NPTN: variants seen among roughly 807,000 people sequenced by gnomAD.
The protein encoded by NPTN is neuroplastin, also known as SDR-1.
A neutral mutation model predicts 42.7 loss-of-function variants in NPTN; 5 were observed. The ratio of observed to expected loss-of-function variants is 0.12; its 90% CI spans 0.06 to 0.25. The LOEUF is 0.25. NPTN is among the 10% of genes least tolerant of loss of function. NPTN has a pLI of 1.00. For missense variants in NPTN, 307 were observed against 525.4 expected, an observed-to-expected ratio of 0.58 and a Z score of 4.06; for synonymous variants, 180 against 201.9, an observed-to-expected ratio of 0.89 and a Z score of 0.92.
At chr15:73,582,715 C>CA (rs1896113144) in intron 4 of NPTN, among the ~76,000 whole-genome samples, 1 of 152,178 alleles carries the variant, frequency 6.6e-6, no homozygotes, top group Non-Finnish European at 1.5e-5. Flanking sequence ...AGATACCCCC[C>CA]ACAAGACAGG....
At chr15:73,568,561 G>A (rs1025974828) in intron 6 of NPTN, 56 of 985,288 alleles carry the variant, frequency 5.7e-5, no homozygotes, top group Non-Finnish European at 6.4e-5. Flanking sequence ...CTTGCCTTGG[G>A]AGTCCTAATA....
intron 1 of NPTN, among the ~76,000 whole-genome samples, chr15:73,604,999 G>A (rs1361687709): frequency 6.6e-6 from 1 of 151,662 alleles, no homozygotes; most frequent in Non-Finnish European, 1.5e-5. Context: ...TTGGAAGGCT[G>A]AGGTAAGAGG....
At chr15:73,623,530 T>A (rs1344009709) in intron 1 of NPTN, among the ~76,000 whole-genome samples, 1 of 151,926 alleles carries the variant, frequency 6.6e-6, no homozygotes, top group Non-Finnish European at 1.5e-5. Context: ...CCACAAAAAA[T>A]TCAAAAATTA....
At chr15:73,616,016 T>C (rs1897847815) in intron 1 of NPTN, among the ~76,000 whole-genome samples, 1 of 152,176 alleles carries the variant, frequency 6.6e-6, no homozygotes, top group Non-Finnish European at 1.5e-5. Flanking sequence ...AGCCTTGTAA[T>C]AAAAATTATT....
chr15:73,618,045 A>G (rs1236182752), intron 1 of NPTN, among the ~76,000 whole-genome samples: 2 of 152,240 alleles, frequency 1.3e-5, no homozygotes, highest in Non-Finnish European at 2.9e-5. Flanking sequence ...TTCGTTTCAC[A>G]ACGTTTCACG....
At chr15:73,607,930 T>C (rs1388960907) in intron 1 of NPTN, among the ~76,000 whole-genome samples, 2 of 152,142 alleles carry the variant, frequency 1.3e-5, no homozygotes, top group Non-Finnish European at 2.9e-5. Flanking sequence ...AATCTGAAAC[T>C]GTGCAAATAT....
At chr15:73,622,113 T>C (rs1383357847) in intron 1 of NPTN, among the ~76,000 whole-genome samples, 1 of 152,090 alleles carries the variant, frequency 6.6e-6, no homozygotes, top group Non-Finnish European at 1.5e-5. Flanking sequence ...ATCGCGCCAC[T>C]ACACTCCAGC....
chr15:73,625,399 G>A (rs573732887), intron 1 of NPTN, among the ~76,000 whole-genome samples: 1 of 151,786 alleles, frequency 6.6e-6, no homozygotes, highest in African/African-American at 2.4e-5. Context: ...CACCCAGGCT[G>A]GAGTGCAGTG....
chr15:73,612,169 C>G (rs978733254), intron 1 of NPTN, among the ~76,000 whole-genome samples: 4 of 151,886 alleles, frequency 2.6e-5, no homozygotes, highest in Non-Finnish European at 5.9e-5. Context: ...GCTTGTAATC[C>G]CAACACGGGA....
At position 73,568,174 on chromosome 15, in the gene NPTN, C is replaced by G. The variant is rs555565202; in HGVS notation, c.1114+1976G>C. 1.2e-5 allele frequency: 12 copies of G among 985,418 alleles called. No individual in the cohort carries two copies. In the African/African-American group the frequency reaches 1.7e-4, roughly 14 times the overall value. 61.0% of individuals were successfully genotyped at this position (985,418 alleles called of 1,614,324 possible). A position where few individuals can be genotyped will look rare whatever the true frequency, so the allele number is the denominator to read the frequency against. ...TCCAACAGAACAATCCTAACCATTT[C>G]TCAAATCTAACCTACCACATGCACT... On this transcript the variant is annotated intron_variant, in intron 6 of 8. Coordinates refer to ENST00000345330, the MANE Select transcript of NPTN (RefSeq NM_012428.4).
chr15:73,568,435 A>C (rs990026919), intron 6 of NPTN: 2 of 985,266 alleles, frequency 2.0e-6, no homozygotes, highest in Non-Finnish European at 2.4e-6. Context: ...TTCTGGGGGG[A>C]TAAAAAGGCC....
chr15:73,581,605 C>A lies in NPTN; in HGVS notation c.706+5919G>T, dbSNP rs117341637. Among the ~76,000 whole-genome samples the A allele has an allele frequency of 2.0e-3, 310 of 152,272 alleles. 8 individuals are homozygous for A. In the East Asian group the frequency reaches 0.057, roughly 28 times the overall value. ...ACCTGAACCAATTTCATTATCTGGG[C>A]AGTCTGGGACTCTGGCTGAGGACGA... On this transcript the variant is annotated intron_variant, in intron 4 of 8. Coordinates refer to ENST00000345330, the MANE Select transcript of NPTN (RefSeq NM_012428.4).
chr15:73,617,073 C>T (rs1205753154), intron 1 of NPTN, among the ~76,000 whole-genome samples: 1 of 152,096 alleles, frequency 6.6e-6, no homozygotes, highest in Non-Finnish European at 1.5e-5. Context: ...CATACGTTTA[C>T]ATAAATGAAA....
Position 73,584,765 on chromosome 15 carries a change from A to T in NPTN, c.706+2759T>A, listed in dbSNP as rs1039594254. Among the ~76,000 whole-genome samples the T allele has an allele frequency of 1.8e-4, 19 of 107,090 alleles. No individual in the cohort carries two copies. The East Asian group carries it at 4.3e-3, about 24-fold the overall frequency. The allele number at this position is 107,090 out of a possible 152,430, so 70.3% of individuals were successfully genotyped here. ...TATACTATGCCACATTGTGTCCTTT[A>T]AAAAAAAAAAAAAAAAAAAGGGAGA... On this transcript the variant is annotated intron_variant, in intron 4 of 8. Coordinates refer to ENST00000345330, the MANE Select transcript of NPTN (RefSeq NM_012428.4).
intron 4 of NPTN, among the ~76,000 whole-genome samples, chr15:73,574,538 G>A (rs948321985): frequency 7.9e-5 from 12 of 152,108 alleles, no homozygotes; most frequent in Non-Finnish European, 1.6e-4. Context: ...CTCAGCTCCC[G>A]AGTAACTAGA....
chr15:73,598,268 T>C (rs1896918571), intron 1 of NPTN, among the ~76,000 whole-genome samples: 1 of 152,070 alleles, frequency 6.6e-6, no homozygotes, highest in Non-Finnish European at 1.5e-5. Flanking sequence ...CTCCATACAG[T>C]TGAATTGCCT....
Position 73,633,335 on chromosome 15 carries a change from C to T in NPTN, c.-120G>A. 1 of 710,486 alleles carries T rather than the reference C, an allele frequency of 1.4e-6. No homozygotes were observed. Among genetic ancestry groups the T allele is most frequent in the Non-Finnish European group, 2.1e-6 (1 of 470,648 alleles). The allele number at this position is 710,486 out of a possible 1,614,324, so 44.0% of individuals were successfully genotyped here. ...AGGGAGTGAGCGAGGGAGGCAGCCGCGGCTCGGCTCCGTCCTTCCCCGTCC... is the reference window on the plus strand; with the variant it reads ...AGGGAGTGAGCGAGGGAGGCAGCCGTGGCTCGGCTCCGTCCTTCCCCGTCC... On this transcript the variant is annotated 5_prime_UTR_variant, in exon 1 of 9. Transcript: ENST00000345330.
intron 1 of NPTN, among the ~76,000 whole-genome samples, chr15:73,610,695 A>AC (rs938640904): frequency 2.0e-5 from 3 of 152,302 alleles, no homozygotes; most frequent in African/African-American, 7.2e-5. Context: ...AGAAATAGTA[A>AC]CCCCTATTTT....
intron 1 of NPTN, among the ~76,000 whole-genome samples, chr15:73,615,130 G>C (rs1353373286): frequency 6.6e-6 from 1 of 150,510 alleles, no homozygotes; most frequent in Non-Finnish European, 1.5e-5. Context: ...GAAACTCCTA[G>C]CATCAAAAAC....
Sources: gnomAD v4.1 joint callset for allele counts (sites outside exome capture counted in the v4.1 genomes callset) on GRCh38, gnomAD v4.1.1 for gene constraint, MANE v1.5 for transcripts, NCBI Gene and HGNC (gene_info 2026-07-23, HGNC 2026-07-21) for gene names.